Variants in DNAJC11 observed in about 807,000 individuals in gnomAD.
DNAJC11 encodes the protein DnaJ heat shock protein family (Hsp40) member C11, also known as dnaJ homolog subfamily C member 11.
Under a neutral mutation model 78.6 loss-of-function variants are expected in DNAJC11, and 15 were observed. The observed-to-expected ratio is 0.19, with a 90% CI of 0.13 to 0.29. The LOEUF (loss-of-function observed/expected upper bound fraction) is 0.29. Among genes scored for constraint, DNAJC11 ranks in the 10% least tolerant of loss-of-function variants. The probability of loss-of-function intolerance (pLI) is 1.00; values close to 1 mark genes in which losing one functional copy is unlikely to be tolerated. For missense variants in DNAJC11, 547 were observed against 709.6 expected (o/e 0.77, Z 2.60); for synonymous variants, 292 against 272.1 (o/e 1.07, Z -0.72).
At chr1:6,640,506 C>T (rs1279389212) in intron 10 of DNAJC11, among the ~76,000 whole-genome samples, 1 of 152,168 alleles carries the variant, frequency 6.6e-6, no homozygotes, top group Non-Finnish European at 1.5e-5. Context: ...AAAGTAGCTC[C>T]TATTGGACCA....
At chr1:6,671,400 G>A (rs1478855667) in intron 3 of DNAJC11, among the ~76,000 whole-genome samples, 1 of 151,618 alleles carries the variant, frequency 6.6e-6, no homozygotes, top group South Asian at 2.1e-4. Flanking sequence ...CTGCCACCAC[G>A]CCCGGCTAAT....
At position 6,645,472 on chromosome 1, in the gene DNAJC11, G is replaced by A. The variant is rs554421317; in HGVS notation, c.894+317C>T. Among the ~76,000 whole-genome samples the A allele has an allele frequency of 1.3e-5, 2 of 152,226 alleles. No homozygotes were observed. Among genetic ancestry groups the A allele is most frequent in the Non-Finnish European group, 1.5e-5 (1 of 68,036 alleles). ...CCCTGGTGTGGCCACAGGGGCGTCC[G>A]AGGGCATGATTCTGCTATGGGGCTT... On this transcript the variant is annotated intron_variant, in intron 8 of 15. Transcript: ENST00000377577. The surrounding 1 kb of genome is among the most constrained non-coding windows in gnomAD (Gnocchi z 4.1).
chr1:6,690,779 C>T (rs376072204), intron 1 of DNAJC11, among the ~76,000 whole-genome samples: 14 of 152,284 alleles, frequency 9.2e-5, no homozygotes, highest in African/African-American at 3.4e-4. Flanking sequence ...AAAAAATTAG[C>T]TGGGCGTGGT....
chr1:6,699,280 G>C (rs901089979), intron 1 of DNAJC11, among the ~76,000 whole-genome samples: 5 of 152,092 alleles, frequency 3.3e-5, no homozygotes, highest in Admixed American at 1.3e-4. Context: ...CTGGGCAACA[G>C]AGTGAGACCC....
At chr1:6,683,338 G>A (rs1196034035) in intron 1 of DNAJC11, among the ~76,000 whole-genome samples, 1 of 152,186 alleles carries the variant, frequency 6.6e-6, no homozygotes, top group Non-Finnish European at 1.5e-5. Flanking sequence ...TGTGACCATG[G>A]CAAGTGAGAT....
chr1:6,683,712 G>A (rs1642590068), intron 1 of DNAJC11, among the ~76,000 whole-genome samples: 1 of 152,224 alleles, frequency 6.6e-6, no homozygotes, highest in Non-Finnish European at 1.5e-5. Context: ...CACCGCCCTG[G>A]TGCATGGATA....
At chr1:6,671,647 TCA>T (rs1430172047) in intron 3 of DNAJC11, among the ~76,000 whole-genome samples, 1 of 151,034 alleles carries the variant, frequency 6.6e-6, no homozygotes, top group Non-Finnish European at 1.5e-5. Context: ...TTCTTCTGCC[TCA>T]GTCTCCCGAG....
At chr1:6,643,802 G>A (rs549050522) in intron 10 of DNAJC11, among the ~76,000 whole-genome samples, 2 of 152,294 alleles carry the variant, frequency 1.3e-5, no homozygotes, top group South Asian at 2.1e-4. Flanking sequence ...GAGCTCAGAC[G>A]TACACCTCAC....
At chr1:6,679,544 A>T (rs749391280) in intron 2 of DNAJC11, among the ~76,000 whole-genome samples, 1 of 152,178 alleles carries the variant, frequency 6.6e-6, no homozygotes, top group African/African-American at 2.4e-5. Flanking sequence ...CAGTTCCCAT[A>T]TATTTGTAGG....
rs781094762 is a variant in DNAJC11, at chr1:6,638,332, G to C, written c.1286C>G (p.Thr429Ser). 2 of 1,613,552 alleles carry C rather than the reference G, an allele frequency of 1.2e-6. No individual in the cohort carries two copies. Among genetic ancestry groups the C allele is most frequent in the Non-Finnish European group, 1.7e-6 (2 of 1,179,676 alleles). ...CTCTTGCTTCTTCTGCAGCACATCG[G>C]TGGCGGCGCTTTCCCTCTGCTTCTC... Reference protein sequence around the residue: ...ELEKQRESAATDVLQKKQEAE... With the variant: ...ELEKQRESAASDVLQKKQEAE... Residue 429 changes from threonine to serine, a missense_variant, in exon 12 of 16, where the codon ACC becomes AGC. Transcript: ENST00000377577.
Position 6,647,255 on chromosome 1 carries a change from G to T in DNAJC11, c.705-1277C>A, listed in dbSNP as rs117182639. On this transcript the variant is annotated intron_variant, in intron 7 of 15. Transcript: ENST00000377577. ...CACCACCATGTCCGGTTAATATTTT[G>T]TATTTTTAGTAGAGATGGGGTTTCA... Among the ~76,000 whole-genome samples the T allele has an allele frequency of 5.0e-3, 754 of 151,828 alleles. 3 individuals are homozygous for T. The highest frequency in any genetic ancestry group is 7.7e-3 in the South Asian group (37 of 4,794).
rs1250788427 is a variant in DNAJC11, at chr1:6,635,080, G to A, written c.*595C>T. ...TGGAATGACTTGAGCAGCTCTGGGA[G>A]TGGGGAAAAAAGACGACTAATTTCC... On this transcript the variant is annotated 3_prime_UTR_variant, in exon 16 of 16. Coordinates refer to ENST00000377577, the MANE Select transcript of DNAJC11 (RefSeq NM_018198.4). 1.0e-5 allele frequency: 2 copies of A among 198,480 alleles called. No individual in the cohort carries two copies. The highest frequency in any genetic ancestry group is 2.3e-5 in the African/African-American group (1 of 43,542). 12.3% of individuals were successfully genotyped at this position (198,480 alleles called of 1,614,324 possible).
At position 6,653,083 on chromosome 1, in the gene DNAJC11, T is replaced by C; in HGVS notation, c.508-132A>G. On this transcript the variant is annotated intron_variant, in intron 5 of 15. Coordinates refer to ENST00000377577, the MANE Select transcript of DNAJC11 (RefSeq NM_018198.4). This position sits in a 1 kb window ranked among gnomAD's most constrained non-coding sequence, Gnocchi z 4.5. The stretch of plus-strand genomic sequence containing the variant: ...TCCTCTGTTCAGAAGCACACATGGA[T>C]GCAGAACTGCCGCAACAGCTTCACT... The C allele has an allele frequency of 9.7e-7, 1 of 1,031,692 alleles. No homozygotes were observed. The highest frequency in any genetic ancestry group is 2.4e-5 in the East Asian group (1 of 41,674). The allele number at this position is 1,031,692 out of a possible 1,614,324, so 63.9% of individuals were successfully genotyped here. A position where few individuals can be genotyped will look rare whatever the true frequency, so the allele number is the denominator to read the frequency against.
intron 2 of DNAJC11, among the ~76,000 whole-genome samples, chr1:6,679,660 C>G (rs1452695927): frequency 6.6e-6 from 1 of 152,206 alleles, no homozygotes; most frequent in Non-Finnish European, 1.5e-5. Context: ...GTGTTCCTCT[C>G]CAGCATTTAA....
At chr1:6,647,078 GTCTTT>G (rs1641977219) in intron 7 of DNAJC11, among the ~76,000 whole-genome samples, 1 of 118,426 alleles carries the variant, frequency 8.4e-6, no homozygotes, top group African/African-American at 3.1e-5. Flanking sequence ...GCCTGGACAG[GTCTTT>G]TTTTTTTTTT....
At chr1:6,693,800 G>A (rs76175968) in intron 1 of DNAJC11, among the ~76,000 whole-genome samples, 3,174 of 151,544 alleles carry the variant, frequency 0.021, 47 homozygotes, top group Non-Finnish European at 0.032. Flanking sequence ...CAAACTTCTA[G>A]GTTCAAGCAA....
At position 6,690,841 on chromosome 1, in the gene DNAJC11, GCAAA is replaced by G. The variant is rs1413615367; in HGVS notation, c.73-9808_73-9805del. On this transcript the variant is annotated intron_variant, in intron 1 of 15. Transcript: ENST00000377577. ...CGGGAGGCTGAGGCAGGAGAATGGT[GCAAA>G]CAAACAAAAACCCTGAATTCTATCA... 1.6e-4 allele frequency among the ~76,000 whole-genome samples: 24 copies of G among 152,210 alleles called. 1 individual carries two copies. In the East Asian group the frequency reaches 4.5e-3, roughly 28 times the overall value.
chr1:6,698,683 TG>T (rs1642878661), intron 1 of DNAJC11, among the ~76,000 whole-genome samples: 1 of 151,288 alleles, frequency 6.6e-6, no homozygotes, highest in Non-Finnish European at 1.5e-5. Flanking sequence ...GGCTCATGCC[TG>T]TAATCCCAGC....
Position 6,653,894 on chromosome 1 carries a change from G to T in DNAJC11, c.507+17C>A, listed in dbSNP as rs764373952. ...TCGAGCCCTTGCTGTACTCGGAGAGGTGGTTGTGTGCTTTACCTCAATGGA... is the reference window on the plus strand; with the variant it reads ...TCGAGCCCTTGCTGTACTCGGAGAGTTGGTTGTGTGCTTTACCTCAATGGA... On this transcript the variant is annotated intron_variant, in intron 5 of 15. Coordinates refer to ENST00000377577, the MANE Select transcript of DNAJC11 (RefSeq NM_018198.4). This position sits in a 1 kb window ranked among gnomAD's most constrained non-coding sequence, Gnocchi z 4.5. The T allele has an allele frequency of 6.2e-7, 1 of 1,610,934 alleles. No homozygotes were observed.
Sources: gnomAD v4.1 joint callset for allele counts (sites outside exome capture counted in the v4.1 genomes callset) on GRCh38, gnomAD v4.1.1 for gene constraint, Gnocchi (gnomAD v3.1) non-coding constraint, MANE v1.5 for transcripts, NCBI Gene and HGNC (gene_info 2026-07-23, HGNC 2026-07-21) for gene names.